DYRK1A: variants seen among roughly 807,000 people sequenced by gnomAD.
DYRK1A encodes the protein dual specificity tyrosine-phosphorylation-regulated kinase 1A.
DYRK1A carries 9 observed loss-of-function variants against 79.7 expected under a neutral mutation model. The observed-to-expected ratio is 0.11, with a 90% CI of 0.07 to 0.20. The LOEUF is 0.20. Among genes scored for constraint, DYRK1A ranks in the 10% least tolerant of loss-of-function variants. The pLI, the probability that DYRK1A is intolerant of heterozygous loss-of-function variation, is 1.00. For synonymous variants in DYRK1A, 349 were observed against 329.7 expected, an observed-to-expected ratio of 1.06 and a Z score of -0.63; for missense variants, 622 against 956.0, an observed-to-expected ratio of 0.65 and a Z score of 4.61.
intron 1 of DYRK1A, among the ~76,000 whole-genome samples, chr21:37,379,486 G>A (rs746643268): frequency 6.6e-5 from 10 of 152,160 alleles, no homozygotes; most frequent in Admixed American, 2.6e-4. Context: ...GGTTTTAGTG[G>A]GACATGGAGA....
intron 1 of DYRK1A, among the ~76,000 whole-genome samples, chr21:37,388,349 G>T (rs2049802833): frequency 6.6e-6 from 1 of 151,998 alleles, no homozygotes; most frequent in Non-Finnish European, 1.5e-5. Context: ...TTCTCAAAGT[G>T]TTGAGATTAC....
chr21:37,502,970 T>G (rs1486680673), intron 9 of DYRK1A: 2 of 152,256 alleles, frequency 1.3e-5, no homozygotes, highest in Non-Finnish European at 2.9e-5. Flanking sequence ...TTACACTGTT[T>G]CGGTAGAGAA....
At chr21:37,384,124 TA>T in intron 1 of DYRK1A, among the ~76,000 whole-genome samples, 1 of 152,040 alleles carries the variant, frequency 6.6e-6, no homozygotes, top group Non-Finnish European at 1.5e-5. Flanking sequence ...GGATCCCAGA[TA>T]AAGCCACGTG....
rs1382454614 is a variant in DYRK1A at position 37,515,244 on chromosome 21, A to G, written c.*2713A>G. 2.6e-5 allele frequency: 4 copies of G among 152,612 alleles called. No individual in the cohort carries two copies. The highest frequency in any genetic ancestry group is 5.9e-5 in the Non-Finnish European group (4 of 68,026). 9.5% of individuals were successfully genotyped at this position (152,612 alleles called of 1,614,324 possible). Reference sequence around the variant, plus strand: ...ATGTAAACATAGTAAAAATCTTCCTATGCAATTAAACTGGTCCAGGTCTGG... The same window carrying G: ...ATGTAAACATAGTAAAAATCTTCCTGTGCAATTAAACTGGTCCAGGTCTGG... On this transcript the variant is annotated 3_prime_UTR_variant, in exon 12 of 12. Transcript: ENST00000647188.
intron 1 of DYRK1A, among the ~76,000 whole-genome samples, chr21:37,370,576 C>G (rs552215330): frequency 6.6e-6 from 1 of 152,116 alleles, no homozygotes; most frequent in Non-Finnish European, 1.5e-5. Flanking sequence ...TTTCACGTTT[C>G]CTGTACACAC....
intron 9 of DYRK1A, chr21:37,502,609 T>C (rs942501933): frequency 6.6e-6 from 1 of 152,196 alleles, no homozygotes; most frequent in East Asian, 1.9e-4. Context: ...AAATAAAAAA[T>C]AGATTTAACA....
intron 2 of DYRK1A, among the ~76,000 whole-genome samples, chr21:37,432,875 C>A (rs2050815198): frequency 1.3e-5 from 2 of 151,266 alleles, no homozygotes; most frequent in Admixed American, 1.3e-4. Flanking sequence ...ACTCAGGAGG[C>A]TGAGGCAGGA....
intron 9 of DYRK1A, among the ~76,000 whole-genome samples, chr21:37,499,788 C>G (rs1439866858): frequency 6.6e-6 from 1 of 152,090 alleles, no homozygotes; most frequent in Non-Finnish European, 1.5e-5. Context: ...CTAAATTCAC[C>G]TATTCTAGTA....
chr21:37,463,172 CATGTGT>C (rs1404201582), intron 2 of DYRK1A, among the ~76,000 whole-genome samples: 1 of 129,346 alleles, frequency 7.7e-6, no homozygotes, highest in Non-Finnish European at 1.7e-5. Flanking sequence ...CTTGTGTGTG[CATGTGT>C]GTGTGTGTGT....
rs1190947603 is a variant in DYRK1A, at chr21:37,382,218, TA to T, written c.-77+14601del. On this transcript the variant is annotated intron_variant, in intron 1 of 11. Transcript: ENST00000647188. ...ATGAAGCTTGCTTTCTTTTTTTTTT[TA>T]AAAAAAAAAATTAAATTTTTTTTTA... Among the ~76,000 whole-genome samples the T allele has an allele frequency of 2.0e-3, 296 of 148,330 alleles. 1 individual carries two copies. The highest frequency in any genetic ancestry group is 5.2e-3 in the African/African-American group (211 of 40,576).
At chr21:37,468,385 G>A (rs1190554317) in intron 2 of DYRK1A, among the ~76,000 whole-genome samples, 1 of 152,054 alleles carries the variant, frequency 6.6e-6, no homozygotes, top group Non-Finnish European at 1.5e-5. Context: ...GCAATTACAG[G>A]CATGAGCCCC....
intron 1 of DYRK1A, among the ~76,000 whole-genome samples, chr21:37,415,244 C>T (rs1602439241): frequency 6.6e-6 from 1 of 152,130 alleles, no homozygotes; most frequent in African/African-American, 2.4e-5. Flanking sequence ...AAACCTTCTC[C>T]CTAGTTCTTT....
At chr21:37,484,339 T>C (rs574105264) in intron 5 of DYRK1A, among the ~76,000 whole-genome samples, 1 of 151,426 alleles carries the variant, frequency 6.6e-6, no homozygotes, top group Non-Finnish European at 1.5e-5. Flanking sequence ...CTTTTTTTTT[T>C]TTTTTTGAGA....
In DYRK1A at chr21:37,443,094, G is replaced by A. The variant is rs192393709; in HGVS notation, c.10+22710G>A. The stretch of plus-strand genomic sequence containing the variant: ...CTGCCTTGGCCTCTCAAAGTGCTGA[G>A]ATTACAGGTGTGAGCCACTGTCCGC... On this transcript the variant is annotated intron_variant, in intron 2 of 11. Coordinates refer to ENST00000647188, the MANE Select transcript of DYRK1A (RefSeq NM_001347721.2). Among the ~76,000 whole-genome samples, 34 of 152,258 alleles carry A rather than the reference G, an allele frequency of 2.2e-4. No individual in the cohort carries two copies. In the East Asian group the frequency reaches 6.0e-3, roughly 27 times the overall value.
At chr21:37,392,216 T>C (rs1236462718) in intron 1 of DYRK1A, among the ~76,000 whole-genome samples, 2 of 152,074 alleles carry the variant, frequency 1.3e-5, no homozygotes, top group Non-Finnish European at 2.9e-5. Flanking sequence ...CCAAGTGAGG[T>C]TGATTTTGGG....
Position 37,517,900 on chromosome 21 carries a change from T to C in DYRK1A, c.*5369T>C. On this transcript the variant is annotated 3_prime_UTR_variant, in exon 12 of 12. Transcript: ENST00000647188. ...CGGCTAAGTTTTTTTTAATGTTACT[T>C]CTTTAATTTTAGAGACGGTGTCTGG... 1 of 152,272 alleles carries C rather than the reference T, an allele frequency of 6.6e-6. No homozygotes were observed. Among genetic ancestry groups the C allele is most frequent in the Non-Finnish European group, 1.5e-5 (1 of 68,032 alleles). The allele number at this position is 152,272 out of a possible 1,614,324, so 9.4% of individuals were successfully genotyped here.
intron 2 of DYRK1A, among the ~76,000 whole-genome samples, chr21:37,443,895 G>T (rs2051184493): frequency 6.6e-6 from 1 of 152,192 alleles, no homozygotes; most frequent in Admixed American, 6.5e-5. Flanking sequence ...AACTAATTAT[G>T]TGTGCAGCAA....
At chr21:37,439,957 G>C (rs952316370) in intron 2 of DYRK1A, among the ~76,000 whole-genome samples, 1 of 151,822 alleles carries the variant, frequency 6.6e-6, no homozygotes, top group African/African-American at 2.4e-5. Context: ...ACTTTGTTAT[G>C]ATGGTCTTTA....
chr21:37,387,312 A>G (rs917273181), intron 1 of DYRK1A, among the ~76,000 whole-genome samples: 22 of 152,160 alleles, frequency 1.4e-4, no homozygotes, highest in Admixed American at 1.4e-3. Flanking sequence ...TTTTGGTAAA[A>G]TCAATATTCC....
Sources: gnomAD v4.1 joint callset for allele counts (sites outside exome capture counted in the v4.1 genomes callset) on GRCh38, gnomAD v4.1.1 for gene constraint, MANE v1.5 for transcripts, NCBI Gene and HGNC (gene_info 2026-07-23, HGNC 2026-07-21) for gene names.